Variants in WDPCP observed in about 807,000 individuals in gnomAD.
WDPCP encodes WD repeat-containing and planar cell polarity effector protein fritz homolog.
A neutral mutation model predicts 93.1 loss-of-function variants in WDPCP; 71 were observed. The ratio of observed to expected loss-of-function variants is 0.76; its 90% confidence interval spans 0.63 to 0.93. WDPCP has a LOEUF of 0.93. Among genes scored for constraint, WDPCP ranks in the 40% least tolerant of loss-of-function variants. The pLI, the probability that WDPCP is intolerant of heterozygous loss-of-function variation, is 0.00. For synonymous variants in WDPCP, 315 were observed against 315.0 expected (o/e 1.00, Z 0.00); for missense variants, 844 against 887.4 (o/e 0.95, Z 0.62).
intron 10 of WDPCP, among the ~76,000 whole-genome samples, chr2:63,396,091 T>G (rs1046960311): frequency 6.6e-6 from 1 of 152,188 alleles, no homozygotes; most frequent in African/African-American, 2.4e-5. Context: ...TAAACTTGAT[T>G]TTTAAAATTC....
chr2:63,834,996 C>T, the WDPCP span, among the ~76,000 whole-genome samples: 5 of 151,892 alleles, frequency 3.3e-5, no homozygotes, highest in East Asian at 7.7e-4. Context: ...GAAAAAAGTA[C>T]TGCTATTCAT....
chr2:63,594,468 A>G (rs1187336652), intron 3 of WDPCP: 3 of 1,558,062 alleles, frequency 1.9e-6, no homozygotes, highest in Admixed American at 1.7e-5. Context: ...AAAGATGTTA[A>G]TGGGTCTTTT....
chr2:63,335,761 C>A (rs1013554170), intron 12 of WDPCP, among the ~76,000 whole-genome samples: 1 of 152,160 alleles, frequency 6.6e-6, no homozygotes, highest in South Asian at 2.1e-4. Context: ...AAAAATGAGG[C>A]TGAAACCTAC....
chr2:63,445,145 G>A (rs1295139672), intron 6 of WDPCP, among the ~76,000 whole-genome samples: 1 of 143,178 alleles, frequency 7.0e-6, no homozygotes, highest in African/African-American at 2.5e-5. Context: ...TGTTCATTCA[G>A]TAAGTTAAAA....
intron 2 of WDPCP, among the ~76,000 whole-genome samples, chr2:63,723,816 A>T (rs1043922301): frequency 2.7e-5 from 4 of 148,236 alleles, no homozygotes; most frequent in Non-Finnish European, 6.0e-5. Flanking sequence ...TGGCAAAGTT[A>T]AAAAAAAAAG....
intron 13 of WDPCP, among the ~76,000 whole-genome samples, chr2:63,298,630 C>T (rs184573546): frequency 4.8e-4 from 73 of 152,222 alleles, no homozygotes; most frequent in African/African-American, 1.7e-3. Context: ...CAGGGGCTCT[C>T]GGGCCTTCAG....
intron 2 of WDPCP, among the ~76,000 whole-genome samples, chr2:63,812,116 C>T (rs1006030278): frequency 6.6e-6 from 1 of 152,204 alleles, no homozygotes. Context: ...CCTCCTGCCT[C>T]GGCATCCCAA....
At chr2:63,325,282 G>C (rs1460513521) in intron 12 of WDPCP, among the ~76,000 whole-genome samples, 2 of 152,070 alleles carry the variant, frequency 1.3e-5, no homozygotes, top group Non-Finnish European at 2.9e-5. Context: ...CTTTAAAAAA[G>C]ATTGCCCAAT....
chr2:63,812,128 G>A (rs1487007561), intron 2 of WDPCP, among the ~76,000 whole-genome samples: 3 of 152,130 alleles, frequency 2.0e-5, no homozygotes, highest in Non-Finnish European at 2.9e-5. Context: ...GCATCCCAAA[G>A]TGTTGGGATT....
At chr2:63,826,343 T>C (rs1434563436) in intron 1 of WDPCP, among the ~76,000 whole-genome samples, 1 of 151,418 alleles carries the variant, frequency 6.6e-6, no homozygotes, top group Non-Finnish European at 1.5e-5. Context: ...TGGGTAATAT[T>C]TGGCAATATA....
At chr2:63,584,017 A>G (rs533578841) in intron 1 of WDPCP, among the ~76,000 whole-genome samples, 82 of 152,180 alleles carry the variant, frequency 5.4e-4, no homozygotes, top group African/African-American at 1.9e-3. Context: ...AAACCAGGCT[A>G]TGTGCAGTGG....
intron 12 of WDPCP, among the ~76,000 whole-genome samples, chr2:63,331,746 T>C (rs1024868482): frequency 1.3e-5 from 2 of 152,210 alleles, no homozygotes; most frequent in Admixed American, 1.3e-4. Flanking sequence ...TTTTGCTTTT[T>C]TTCCTAGCAT....
chr2:63,222,009 T>C (rs1378687409), intron 14 of WDPCP, among the ~76,000 whole-genome samples: 1 of 152,192 alleles, frequency 6.6e-6, no homozygotes, highest in Non-Finnish European at 1.5e-5. Context: ...GGAGAGAACA[T>C]TACTTATAAG....
chr2:63,693,050 G>C (rs1256223257), intron 2 of WDPCP, among the ~76,000 whole-genome samples: 3 of 152,294 alleles, frequency 2.0e-5, no homozygotes, highest in Admixed American at 1.3e-4. Context: ...CTGAGGCATG[G>C]AGATTAAATA....
intron 15 of WDPCP, among the ~76,000 whole-genome samples, chr2:63,165,130 G>A (rs1207871052): frequency 6.6e-6 from 1 of 152,140 alleles, no homozygotes; most frequent in Non-Finnish European, 1.5e-5. Context: ...TTTAAGATAT[G>A]TGACACTATG....
intron 13 of WDPCP, among the ~76,000 whole-genome samples, chr2:63,262,397 C>T (rs1327049643): frequency 6.6e-6 from 1 of 152,064 alleles, no homozygotes; most frequent in Admixed American, 6.6e-5. Flanking sequence ...TTCTGTAAAA[C>T]TCAGTGGAGC....
intron 14 of WDPCP, among the ~76,000 whole-genome samples, chr2:63,207,225 A>G (rs896057363): frequency 5.3e-5 from 8 of 152,200 alleles, no homozygotes; most frequent in African/African-American, 1.7e-4. Flanking sequence ...GCTCATGGAA[A>G]TAATAGTGAT....
chr2:63,793,480 C>A (rs1275113148), intron 2 of WDPCP, among the ~76,000 whole-genome samples: 1 of 151,974 alleles, frequency 6.6e-6, no homozygotes, highest in African/African-American at 2.4e-5. Context: ...GTGTAGTGGC[C>A]CATACCCGTA....
intron 14 of WDPCP, among the ~76,000 whole-genome samples, chr2:63,189,738 C>T (rs1194399742): frequency 6.6e-6 from 1 of 152,100 alleles, no homozygotes; most frequent in Non-Finnish European, 1.5e-5. Context: ...TATGGACTGT[C>T]TCCTCCCAAA....
Sources: allele counts gnomAD v4.1 joint callset (sites outside exome capture counted in the v4.1 genomes callset), GRCh38; gene constraint gnomAD v4.1.1; transcripts MANE v1.5; gene names NCBI Gene and HGNC (gene_info 2026-07-23, HGNC 2026-07-21).